The following DIAPH2 variants were observed in gnomAD, a reference collection of about 807,000 sequenced individuals.
DIAPH2 encodes the protein protein diaphanous homolog 2.
Under a neutral mutation model 92.7 loss-of-function variants are expected in DIAPH2, and 35 were observed. That is an observed-to-expected ratio of 0.38 (90% CI 0.29 to 0.50). The LOEUF is 0.50. Ranked by LOEUF, DIAPH2 falls within the 20% of genes least tolerant of loss-of-function variation. The pLI is 0.94. For synonymous variants in DIAPH2, 301 were observed against 280.4 expected, an observed-to-expected ratio of 1.07 and a Z score of -0.73; for missense variants, 701 against 819.5, an observed-to-expected ratio of 0.86 and a Z score of 1.77.
At chrX:97,463,274 CTTTTT>C (rs34254892) in intron 26 of DIAPH2, among the ~76,000 whole-genome samples, 1 of 92,295 alleles carries the variant, frequency 1.1e-5, no homozygotes, top group Non-Finnish European at 2.1e-5. Context: ...TATCTGAATC[CTTTTT>C]TTTTTTTTTT....
At chrX:96,959,557 A>G (rs1007238416) in intron 16 of DIAPH2, among the ~76,000 whole-genome samples, 6 of 112,014 alleles carry the variant, frequency 5.4e-5, no homozygotes, top group African/African-American at 1.9e-4. Flanking sequence ...ATTTTTTCCC[A>G]TTCAACAGAT....
chrX:96,925,070 C>T lies in DIAPH2; in HGVS notation c.979-5663C>T, dbSNP rs1188577105. Among the ~76,000 whole-genome samples, 5 of 110,916 alleles carry T rather than the reference C, an allele frequency of 4.5e-5. No individual in the cohort carries two copies. The South Asian group carries it at 1.2e-3, about 26-fold the overall frequency. On this transcript the variant is annotated intron_variant, in intron 9 of 26. Coordinates refer to ENST00000324765, the MANE Select transcript of DIAPH2 (RefSeq NM_006729.5). ...CAGTCCTTTGGTACTTTGCTTTTCTCATATTGATGATCCTTGGGCAATCGC... is the reference window on the plus strand; with the variant it reads ...CAGTCCTTTGGTACTTTGCTTTTCTTATATTGATGATCCTTGGGCAATCGC...
At chrX:97,146,353 A>T (rs1000746304) in intron 22 of DIAPH2, among the ~76,000 whole-genome samples, 13 of 109,216 alleles carry the variant, frequency 1.2e-4, no homozygotes, top group African/African-American at 3.3e-4. Flanking sequence ...TTTTTTTTTT[A>T]AACTGGAGTG....
intron 26 of DIAPH2, chrX:97,528,319 T>A (rs2071037020): frequency 8.9e-6 from 1 of 112,389 alleles, no homozygotes; most frequent in African/African-American, 3.2e-5. Flanking sequence ...TTCAGTTGTG[T>A]CTTAATCTGT....
chrX:97,301,221 C>T (rs1038079558), intron 23 of DIAPH2, among the ~76,000 whole-genome samples: 4 of 106,117 alleles, frequency 3.8e-5, no homozygotes, highest in African/African-American at 1.0e-4. Flanking sequence ...TGGATGTATA[C>T]GTTTGATGTC....
intron 23 of DIAPH2, among the ~76,000 whole-genome samples, chrX:97,318,311 G>C (rs1272572217): frequency 9.3e-6 from 1 of 107,800 alleles, no homozygotes; most frequent in Admixed American, 1.0e-4. Context: ...GCTAATTTTT[G>C]TATTTTTAGT....
At chrX:97,182,164 C>CCCCACA (rs1569322174) in intron 22 of DIAPH2, among the ~76,000 whole-genome samples, 9 of 110,235 alleles carry the variant, frequency 8.2e-5, no homozygotes, top group Admixed American at 1.9e-4. Flanking sequence ...CTTGTGGGGG[C>CCCCACA]TAGGCATGAT....
intron 4 of DIAPH2, among the ~76,000 whole-genome samples, chrX:96,795,678 T>G (rs1381015304): frequency 8.9e-6 from 1 of 112,073 alleles, no homozygotes; most frequent in Non-Finnish European, 1.9e-5. Flanking sequence ...GATCATTACA[T>G]AATCATAGAT....
intron 23 of DIAPH2, among the ~76,000 whole-genome samples, chrX:97,277,524 A>G (rs2068461769): frequency 9.0e-6 from 1 of 111,115 alleles, no homozygotes. Flanking sequence ...GATGGTAGGC[A>G]GAAACTGGAA....
intron 23 of DIAPH2, among the ~76,000 whole-genome samples, chrX:97,256,831 AT>A (rs1490942849): frequency 1.8e-5 from 2 of 110,764 alleles, no homozygotes; most frequent in African/African-American, 3.3e-5. Context: ...TGCCTGGCTA[AT>A]TTTTGTATTT....
intron 26 of DIAPH2, among the ~76,000 whole-genome samples, chrX:97,487,786 T>TTG (rs1556143007): frequency 9.0e-6 from 1 of 111,022 alleles, no homozygotes; most frequent in African/African-American, 3.3e-5. Context: ...ACATTTTTTT[T>TTG]TTGTTGTTAA....
intron 26 of DIAPH2, among the ~76,000 whole-genome samples, chrX:97,521,117 C>T (rs1040543645): frequency 2.7e-5 from 3 of 111,233 alleles, no homozygotes; most frequent in Non-Finnish European, 5.7e-5. Flanking sequence ...CCTGAGGGAG[C>T]TTGTTTGCCC....
At chrX:97,050,990 A>G (rs2066516838) in intron 17 of DIAPH2, among the ~76,000 whole-genome samples, 1 of 111,597 alleles carries the variant, frequency 9.0e-6, no homozygotes, top group Non-Finnish European at 1.9e-5. Flanking sequence ...TACCATATAG[A>G]ATTTAGCTTT....
At chrX:97,232,099 A>G (rs2068013641) in intron 22 of DIAPH2, among the ~76,000 whole-genome samples, 1 of 110,785 alleles carries the variant, frequency 9.0e-6, no homozygotes, top group Non-Finnish European at 1.9e-5. Context: ...TTGTCATCAC[A>G]TATGACAGTG....
chrX:96,862,750 C>T (rs1033229503), intron 4 of DIAPH2, among the ~76,000 whole-genome samples: 1 of 111,949 alleles, frequency 8.9e-6, no homozygotes, highest in African/African-American at 3.2e-5. Flanking sequence ...ACAATGCCAT[C>T]ACACTACAAC....
intron 23 of DIAPH2, among the ~76,000 whole-genome samples, chrX:97,254,788 G>C (rs1034344885): frequency 3.7e-5 from 4 of 108,733 alleles, no homozygotes; most frequent in Non-Finnish European, 7.6e-5. Flanking sequence ...CAGTGGTACA[G>C]TCCCGAGTTC....
At chrX:96,749,707 T>G (rs182863612) in intron 3 of DIAPH2, among the ~76,000 whole-genome samples, 155 of 111,967 alleles carry the variant, frequency 1.4e-3, no homozygotes, top group African/African-American at 4.7e-3. Context: ...AATTGGACTT[T>G]AATAAATGGG....
intron 26 of DIAPH2, among the ~76,000 whole-genome samples, chrX:97,592,410 A>ATTTG (rs2071523605): frequency 8.9e-6 from 1 of 111,858 alleles, no homozygotes; most frequent in African/African-American, 3.2e-5. Flanking sequence ...GTAAAATCTA[A>ATTTG]TTTGTTTTTC....
intron 17 of DIAPH2, among the ~76,000 whole-genome samples, chrX:97,025,165 A>G (rs1239398876): frequency 9.1e-6 from 1 of 110,410 alleles, no homozygotes; most frequent in Non-Finnish European, 1.9e-5. Context: ...AGCCTTGCCA[A>G]CGTGGTGAAA....
Sources: gnomAD v4.1 joint callset for allele counts (sites outside exome capture counted in the v4.1 genomes callset) on GRCh38, gnomAD v4.1.1 for gene constraint, MANE v1.5 for transcripts, NCBI Gene and HGNC (gene_info 2026-07-23, HGNC 2026-07-21) for gene names.